Variants in RPS6KC1 observed in about 807,000 individuals in gnomAD.
The protein encoded by RPS6KC1 is inactive ribosomal protein S6 kinase delta-1.
In RPS6KC1, 54 loss-of-function variants were observed where a neutral mutation model predicts 103.8. That is an observed-to-expected ratio of 0.52 (90% CI 0.42 to 0.65). The LOEUF (loss-of-function observed/expected upper bound fraction) is 0.65. Among genes scored for constraint, RPS6KC1 ranks in the 30% least tolerant of loss-of-function variants. The pLI, the probability that RPS6KC1 is intolerant of heterozygous loss-of-function variation, is 0.00. For missense variants in RPS6KC1, 1,151 were observed against 1,253.8 expected (o/e 0.92, Z 1.24); for synonymous variants, 439 against 438.7 (o/e 1.00, Z -0.01).
chr1:213,834,709 T>TAC, the RPS6KC1 span, among the ~76,000 whole-genome samples: 1,141 of 149,258 alleles, frequency 7.6e-3, 4 homozygotes, highest in Non-Finnish European at 9.0e-3. Context: ...CACACACACG[T>TAC]ACACACACAC....
At chr1:213,631,804 G>A in the RPS6KC1 span, among the ~76,000 whole-genome samples, 8 of 151,858 alleles carry the variant, frequency 5.3e-5, no homozygotes, top group Middle Eastern at 6.8e-3. Context: ...AAAAATATGG[G>A]TTTTTTGCCC....
chr1:213,281,318 T>A, the RPS6KC1 span, among the ~76,000 whole-genome samples: 1 of 152,246 alleles, frequency 6.6e-6, no homozygotes, highest in Non-Finnish European at 1.5e-5. Context: ...GGACACTGGA[T>A]AGAATTTGCT....
At chr1:213,623,196 A>G in the RPS6KC1 span, among the ~76,000 whole-genome samples, 1 of 152,206 alleles carries the variant, frequency 6.6e-6, no homozygotes, top group Admixed American at 6.5e-5. Flanking sequence ...GGAGTAAATG[A>G]AAACCTCTGA....
the RPS6KC1 span, chr1:213,836,164 T>TA: frequency 1.3e-5 from 2 of 151,818 alleles, no homozygotes; most frequent in African/African-American, 2.4e-5. Context: ...AAGGCTTTTA[T>TA]AAAAAATAGT....
chr1:213,258,804 T>C lies in RPS6KC1; in HGVS notation c.2912-2754T>C, dbSNP rs187855281. 1.2e-3 allele frequency among the ~76,000 whole-genome samples: 184 copies of C among 152,334 alleles called. 1 individual carries two copies. The highest frequency in any genetic ancestry group is 4.2e-3 in the African/African-American group (176 of 41,582). ...TAACATTTCTAATAACACACACCCT[T>C]TATAAAGTCTAAGAGTACACTTCCA... On this transcript the variant is annotated intron_variant, in intron 12 of 14. Coordinates refer to ENST00000366960, the MANE Select transcript of RPS6KC1 (RefSeq NM_012424.6).
chr1:213,646,895 A>ATTTTT, the RPS6KC1 span, among the ~76,000 whole-genome samples: 27 of 148,730 alleles, frequency 1.8e-4, no homozygotes, highest in African/African-American at 6.9e-4. Context: ...ATATATATAT[A>ATTTTT]TATTTTTGTT....
At chr1:213,675,328 G>A in the RPS6KC1 span, among the ~76,000 whole-genome samples, 910 of 152,276 alleles carry the variant, frequency 6.0e-3, 15 homozygotes, top group African/African-American at 0.021. Flanking sequence ...TCCTCGGGAG[G>A]CTACTAGTCA....
At chr1:213,804,222 T>C in the RPS6KC1 span, among the ~76,000 whole-genome samples, 529 of 149,488 alleles carry the variant, frequency 3.5e-3, 3 homozygotes, top group African/African-American at 0.011. Flanking sequence ...TGGAATATTT[T>C]CAGGGACCAA....
chr1:213,301,692 CATTTACTTATTTATTTATTTATTT>C, the RPS6KC1 span, among the ~76,000 whole-genome samples: 1 of 141,986 alleles, frequency 7.0e-6, no homozygotes, highest in African/African-American at 2.6e-5. Context: ...GAGCAAGACC[CATTTACTTATTTATTTATTTATTT>C]ATTTATTTAT....
At chr1:213,508,876 A>C in the RPS6KC1 span, among the ~76,000 whole-genome samples, 105 of 152,294 alleles carry the variant, frequency 6.9e-4, no homozygotes, top group Middle Eastern at 6.8e-3. Flanking sequence ...GAAAAGGGCA[A>C]TGGCAGGATC....
At chr1:213,159,258 G>T (rs1359550026) in intron 6 of RPS6KC1, among the ~76,000 whole-genome samples, 1 of 152,158 alleles carries the variant, frequency 6.6e-6, no homozygotes, top group African/African-American at 2.4e-5. Flanking sequence ...TATGCTTCTT[G>T]AATTGTTGGC....
the RPS6KC1 span, among the ~76,000 whole-genome samples, chr1:213,580,129 A>T: frequency 6.6e-6 from 1 of 152,138 alleles, no homozygotes. Flanking sequence ...CCTGGAAAGG[A>T]TTCATCTTTC....
chr1:213,516,077 T>C, the RPS6KC1 span, among the ~76,000 whole-genome samples: 2 of 152,222 alleles, frequency 1.3e-5, no homozygotes, highest in Non-Finnish European at 2.9e-5. Flanking sequence ...TGCACATTGA[T>C]TTTTTATGCT....
the RPS6KC1 span, among the ~76,000 whole-genome samples, chr1:213,291,679 G>C: frequency 2.0e-5 from 3 of 152,226 alleles, no homozygotes; most frequent in African/African-American, 7.2e-5. Flanking sequence ...AAGGCTCTGT[G>C]TGTGGGAGTC....
At chr1:213,110,081 T>G (rs2082878186) in intron 4 of RPS6KC1, among the ~76,000 whole-genome samples, 2 of 152,198 alleles carry the variant, frequency 1.3e-5, no homozygotes, top group South Asian at 2.1e-4. Flanking sequence ...AATTTTGATT[T>G]ATTTATATTT....
chr1:213,484,926 A>C, the RPS6KC1 span, among the ~76,000 whole-genome samples: 1 of 152,116 alleles, frequency 6.6e-6, no homozygotes. Flanking sequence ...GCAGTGGCCC[A>C]ATCTTGGCTC....
chr1:213,709,099 T>C, the RPS6KC1 span, among the ~76,000 whole-genome samples: 19,712 of 152,182 alleles, frequency 0.13, 1,395 homozygotes, highest in Middle Eastern at 0.19. Context: ...CTTTTTCTAT[T>C]GTTTTGAATA....
the RPS6KC1 span, among the ~76,000 whole-genome samples, chr1:213,507,092 G>A: frequency 1.3e-5 from 2 of 152,160 alleles, no homozygotes; most frequent in African/African-American, 2.4e-5. Context: ...ATAAATCAAT[G>A]AACGTATCAG....
intron 4 of RPS6KC1, among the ~76,000 whole-genome samples, chr1:213,108,273 T>A (rs536168197): frequency 6.6e-6 from 1 of 152,330 alleles, no homozygotes; most frequent in Admixed American, 6.5e-5. Context: ...TTATATACGG[T>A]GTGAAGGAAC....
Sources: allele counts gnomAD v4.1 joint callset (sites outside exome capture counted in the v4.1 genomes callset), GRCh38; gene constraint gnomAD v4.1.1; transcripts MANE v1.5; gene names NCBI Gene and HGNC (gene_info 2026-07-23, HGNC 2026-07-21).